The following STAU1 variants were observed in gnomAD, a reference collection of about 807,000 sequenced individuals.
The protein encoded by STAU1 is double-stranded RNA-binding protein Staufen homolog 1.
A neutral mutation model predicts 62.9 loss-of-function variants in STAU1; 13 were observed. The ratio of observed to expected loss-of-function variants is 0.21; its 90% confidence interval spans 0.13 to 0.33. The LOEUF (loss-of-function observed/expected upper bound fraction) is 0.33. Among genes scored for constraint, STAU1 ranks in the 10% least tolerant of loss-of-function variants. The pLI is 1.00. For synonymous variants in STAU1, 269 were observed against 265.1 expected, an observed-to-expected ratio of 1.01 and a Z score of -0.14; for missense variants, 571 against 712.1, an observed-to-expected ratio of 0.80 and a Z score of 2.25.
chr20:49,175,787 C>A (rs1204345969), intron 1 of STAU1, among the ~76,000 whole-genome samples: 1 of 133,258 alleles, frequency 7.5e-6, no homozygotes, highest in African/African-American at 2.9e-5. Flanking sequence ...CCACACCCAA[C>A]CTCATAATGC....
chr20:49,184,278 C>A (rs368735176), intron 1 of STAU1, among the ~76,000 whole-genome samples: 2 of 151,706 alleles, frequency 1.3e-5, no homozygotes, highest in Admixed American at 1.3e-4. Flanking sequence ...TAAACTCCAT[C>A]TCAAAAAAAA....
At chr20:49,131,396 T>G (rs921993397) in intron 6 of STAU1, among the ~76,000 whole-genome samples, 1 of 152,226 alleles carries the variant, frequency 6.6e-6, no homozygotes, top group Non-Finnish European at 1.5e-5. Context: ...CTAAATTTCC[T>G]CTACTTAATA....
At chr20:49,187,823 C>G (rs1319954630) in intron 1 of STAU1, among the ~76,000 whole-genome samples, 2 of 146,768 alleles carry the variant, frequency 1.4e-5, no homozygotes, top group Non-Finnish European at 3.0e-5. Context: ...ACTTCGGCAT[C>G]CCCGCGCGCG....
At chr20:49,167,380 C>G (rs1024797194) in intron 2 of STAU1, among the ~76,000 whole-genome samples, 1 of 152,042 alleles carries the variant, frequency 6.6e-6, no homozygotes, top group Admixed American at 6.6e-5. Context: ...AGCTGGTCCT[C>G]AAGAAAGAGA....
chr20:49,164,302 CT>C (rs1329768129), intron 3 of STAU1, among the ~76,000 whole-genome samples: 3 of 151,196 alleles, frequency 2.0e-5, no homozygotes, highest in Non-Finnish European at 4.4e-5. Flanking sequence ...AAGAAGGAGA[CT>C]TTTTTTCTTT....
At chr20:49,193,958 C>A in the STAU1 span, among the ~76,000 whole-genome samples, 1 of 128,766 alleles carries the variant, frequency 7.8e-6, no homozygotes, top group African/African-American at 2.8e-5. Context: ...AACAGAGACT[C>A]CATCTCAGAA....
At chr20:49,169,076 G>C (rs532193643) in intron 2 of STAU1, among the ~76,000 whole-genome samples, 5 of 151,430 alleles carry the variant, frequency 3.3e-5, no homozygotes, top group Admixed American at 1.3e-4. Context: ...TTAGTCTCCC[G>C]AGTACTTAGG....
chr20:49,174,176 A>G lies in STAU1; in HGVS notation c.-85+19T>C, dbSNP rs1388436718. On this transcript the variant is annotated intron_variant, in intron 2 of 13. Transcript: ENST00000371856. Reference sequence around the variant, plus strand: ...TGATTATCAACAGGCCAGAAATTATAAAGCCAAATTATATGTACCTTTTTT... The same window carrying G: ...TGATTATCAACAGGCCAGAAATTATGAAGCCAAATTATATGTACCTTTTTT... 1 of 152,350 alleles carries G rather than the reference A, an allele frequency of 6.6e-6. No homozygotes were observed. The highest frequency in any genetic ancestry group is 1.9e-4 in the East Asian group (1 of 5,196). The allele number at this position is 152,350 out of a possible 1,614,324, so 9.4% of individuals were successfully genotyped here. A position where few individuals can be genotyped will look rare whatever the true frequency, so the allele number is the denominator to read the frequency against.
At chr20:49,217,506 A>G in the STAU1 span, among the ~76,000 whole-genome samples, 1 of 152,032 alleles carries the variant, frequency 6.6e-6, no homozygotes, top group Non-Finnish European at 1.5e-5. Flanking sequence ...ACCATTTTGC[A>G]TCCTTTGTAT....
At chr20:49,188,389 C>G (rs1600928595), upstream of STAU1, 6 of 151,562 alleles carry the variant, frequency 4.0e-5, no homozygotes, top group South Asian at 1.1e-3. Context: ...GGCAGGCGCC[C>G]GCCCCCGGCC....
chr20:49,198,955 G>A, the STAU1 span, among the ~76,000 whole-genome samples: 1 of 150,106 alleles, frequency 6.7e-6, no homozygotes, highest in Non-Finnish European at 1.5e-5. Flanking sequence ...AGAACAAGAT[G>A]AGACCCCGTC....
Position 49,153,976 on chromosome 20 carries a change from A to G in STAU1, c.301T>C (p.Ser101Pro). The G allele has an allele frequency of 1.9e-6, 3 of 1,612,178 alleles. No individual in the cohort carries two copies. Among genetic ancestry groups the G allele is most frequent in the East Asian group, 4.5e-5 (2 of 44,836 alleles). The part of the protein sequence containing the change: ...KPVDPYSRMQ[S>P]TYNYNMRGGA... ...CCTCTCATGTTGTAGTTATAGGTGG[A>G]CTGCATCCGAGAGTAAGGGTCAACA... is the stretch of plus-strand genomic sequence containing the variant. The change falls in exon 4 of 14, where the codon TCC (serine) becomes CCC (proline). Residue 101 changes from serine (S) to proline (P), a missense_variant. This residue lies in a region of STAU1 where 414 missense variants were observed against 499.6 expected (regional missense o/e 0.83). Coordinates refer to ENST00000371856, the MANE Select transcript of STAU1 (RefSeq NM_017453.4).
At chr20:49,128,773 CAAAAAAAAAA>C (rs34891670) in intron 6 of STAU1, among the ~76,000 whole-genome samples, 11 of 102,678 alleles carry the variant, frequency 1.1e-4, no homozygotes, top group Non-Finnish European at 1.6e-4. Context: ...CATCCAAATC[CAAAAAAAAAA>C]AAAAAAAAAA....
rs187461572 is a variant in STAU1, at chr20:49,124,982, T to C, written c.610-395A>G. On this transcript the variant is annotated intron_variant, in intron 6 of 13. Coordinates refer to ENST00000371856, the MANE Select transcript of STAU1 (RefSeq NM_017453.4). Reference sequence around the variant, plus strand: ...CTGAGCCTCCAGCCAGGACTAGGCCTACTAAATACTGGTTGCTATGTGGCC... The same window carrying C: ...CTGAGCCTCCAGCCAGGACTAGGCCCACTAAATACTGGTTGCTATGTGGCC... Among the ~76,000 whole-genome samples, 58 of 145,984 alleles carry C rather than the reference T, an allele frequency of 4.0e-4. No individual in the cohort carries two copies. The East Asian group carries it at 4.9e-3, about 12-fold the overall frequency.
intron 1 of STAU1, among the ~76,000 whole-genome samples, chr20:49,174,827 C>T (rs1024355779): frequency 5.9e-5 from 9 of 151,458 alleles, no homozygotes; most frequent in East Asian, 5.8e-4. Context: ...GTCCCAGCTA[C>T]TTGGGAGGCT....
In STAU1 at chr20:49,155,318, G is replaced by A. The variant is rs142376492; in HGVS notation, c.206-1247C>T. Reference sequence around the variant, plus strand: ...GTGGTCATACTTGCTACGAAAATGAGTTCCATTTTCATACACAACAAGTTA... The same window carrying A: ...GTGGTCATACTTGCTACGAAAATGAATTCCATTTTCATACACAACAAGTTA... On this transcript the variant is annotated intron_variant, in intron 3 of 13. Coordinates refer to ENST00000371856, the MANE Select transcript of STAU1 (RefSeq NM_017453.4). Among the ~76,000 whole-genome samples, 375 of 152,250 alleles carry A rather than the reference G, an allele frequency of 2.5e-3. 2 individuals are homozygous for A. The highest frequency in any genetic ancestry group is 8.2e-3 in the African/African-American group (339 of 41,556).
chr20:49,210,986 A>T, the STAU1 span, among the ~76,000 whole-genome samples: 1 of 151,984 alleles, frequency 6.6e-6, no homozygotes, highest in Non-Finnish European at 1.5e-5. Context: ...AATCCCCCAC[A>T]TTTCTGGCAA....
intron 4 of STAU1, 30 bp downstream of exon 4, chr20:49,153,903 T>G: frequency 6.8e-7 from 1 of 1,469,744 alleles, no homozygotes; most frequent in Middle Eastern, 1.8e-4. Context: ...CTCCTGTATT[T>G]TACAAAAAAA....
intron 5 of STAU1, among the ~76,000 whole-genome samples, chr20:49,149,298 GAAC>G (rs779239260): frequency 6.1e-5 from 7 of 114,816 alleles, no homozygotes; most frequent in East Asian, 3.0e-4. Context: ...ACACCAGCAA[GAAC>G]AACAAAAGCA....
Sources: allele counts gnomAD v4.1 joint callset (sites outside exome capture counted in the v4.1 genomes callset), GRCh38; gene constraint gnomAD v4.1.1; regional missense constraint gnomAD v4.1.1; transcripts MANE v1.5; gene names NCBI Gene and HGNC (gene_info 2026-07-23, HGNC 2026-07-21).